The following CUL7 variants were observed in gnomAD, a reference collection of about 807,000 sequenced individuals.
CUL7 encodes cullin-7.
CUL7 carries 96 observed loss-of-function variants against 177.7 expected under a neutral mutation model. The observed-to-expected ratio is 0.54, with a 90% CI of 0.46 to 0.64. The LOEUF (loss-of-function observed/expected upper bound fraction) is 0.64. Among genes scored for constraint, CUL7 ranks in the 30% least tolerant of loss-of-function variants. The pLI, the probability that CUL7 is intolerant of heterozygous loss-of-function variation, is 0.00. For synonymous variants in CUL7, 824 were observed against 890.2 expected (o/e 0.93, Z 1.32); for missense variants, 1,893 against 2,187.9 (o/e 0.87, Z 2.69).
chr6:43,052,910 T>G lies in CUL7; in HGVS notation c.-8-114A>C. ...GCAACAGCTGTCAGGCGGGGTGGGGTAAAGCCAGGCCCAGGAGTTGCATGC... is the reference window on the plus strand; with the variant it reads ...GCAACAGCTGTCAGGCGGGGTGGGGGAAAGCCAGGCCCAGGAGTTGCATGC... On this transcript the variant is annotated intron_variant, in intron 1 of 25. Coordinates refer to ENST00000265348, the MANE Select transcript of CUL7 (RefSeq NM_014780.5). The surrounding 1 kb of genome is among the most constrained non-coding windows in gnomAD (Gnocchi z 4.5). 1 of 1,116,872 alleles carries G rather than the reference T, an allele frequency of 9.0e-7. No homozygotes were observed. The highest frequency in any genetic ancestry group is 1.3e-6 in the Non-Finnish European group (1 of 767,942). 69.2% of individuals were successfully genotyped at this position (1,116,872 alleles called of 1,614,324 possible).
In CUL7 at chr6:43,053,543, G is replaced by A. The variant is rs1266755544; in HGVS notation, c.-9+79C>T. ...CCCGAGGCACGGTAGGATGGGGACC[G>A]AGGTTGGGTGAGCGCGAGGCTCGAT... On this transcript the variant is annotated intron_variant, in intron 1 of 25. Transcript: ENST00000265348. The surrounding 1 kb of genome is among the most constrained non-coding windows in gnomAD (Gnocchi z 4.1). The A allele has an allele frequency of 3.0e-6, 3 of 1,004,858 alleles. No individual in the cohort carries two copies. Among genetic ancestry groups the A allele is most frequent in the African/African-American group, 1.7e-5 (1 of 58,478 alleles). 62.2% of individuals were successfully genotyped at this position (1,004,858 alleles called of 1,614,324 possible).
rs1285293424 is a variant in CUL7 at position 43,049,438 on chromosome 6, A to G, written c.1794T>C (p.Ala598=). 6.2e-7 allele frequency: 1 copy of G among 1,614,174 alleles called. No homozygotes were observed. ...CTTTGGCTGCATCTTCTGAGTCCTT[A>G]GCCTGGGCCTGCGCGTCTAGCAGGA... The part of the protein sequence containing the change: ...DVLLLDAQAQ[A]KDSEDAAKVE... Residue 598 remains alanine (A), a synonymous_variant, in exon 7 of 26, where the codon GCT becomes GCC. Coordinates refer to ENST00000265348, the MANE Select transcript of CUL7 (RefSeq NM_014780.5).
chr6:43,046,449 G>C lies in CUL7; in HGVS notation c.2489-42C>G, dbSNP rs542541358. 3.1e-6 allele frequency: 5 copies of C among 1,614,182 alleles called. No homozygotes were observed. The East Asian group carries it at 1.1e-4, about 36-fold the overall frequency. On this transcript the variant is annotated intron_variant, in intron 11 of 25. Transcript: ENST00000265348. ...AGGGGTGGTGGTCACGGTCAGGTAG[G>C]GTGTAGAGGGGAAACAGACATAGGT...
chr6:43,038,132 C>A, intron 25 of CUL7, 121 bp from the exon 26 acceptor site: 3 of 1,480,446 alleles, frequency 2.0e-6, no homozygotes, highest in Non-Finnish European at 2.8e-6. Flanking sequence ...AGGTACATCC[C>A]GACCTCACTC....
chr6:43,044,509 AAAG>A (rs1380199038), intron 16 of CUL7, among the ~76,000 whole-genome samples: 13 of 151,950 alleles, frequency 8.6e-5, no homozygotes, highest in Admixed American at 2.6e-4. Flanking sequence ...AAAAAAAAAA[AAAG>A]AAGAATGATA....
chr6:43,047,890 GT>G (rs1258794444), intron 9 of CUL7: 21 of 550,196 alleles, frequency 3.8e-5, no homozygotes, highest in Non-Finnish European at 6.5e-5. Context: ...TAAGGGGTGT[GT>G]GGGGGACCCT....
intron 22 of CUL7, 67 bp from the exon 23 acceptor site, chr6:43,039,054 T>A: frequency 9.7e-7 from 1 of 1,035,932 alleles, no homozygotes; most frequent in East Asian, 2.4e-5. Context: ...GGAGGGAGGG[T>A]GCACGCTGGT....
At position 43,037,743 on chromosome 6, in the gene CUL7, C is replaced by T. The variant is rs1163584400; in HGVS notation, c.5042G>A (p.Arg1681Gln). 39 of 1,572,312 alleles carry T rather than the reference C, an allele frequency of 2.5e-5. No homozygotes were observed. Among genetic ancestry groups the T allele is most frequent in the Non-Finnish European group, 3.1e-5 (36 of 1,158,744 alleles). ...LTFHTLQIRSRGVPYASCTAT... is the reference protein window; with the variant it reads ...LTFHTLQIRSQGVPYASCTAT... ...AGTGCAGGAGGCATAGGGCACACCC[C>T]GGGAGCGAATCTGTAGGGTATGGAA... The change falls in exon 26 of 26, where the codon CGG becomes CAG. Residue 1681 changes from arginine (R) to glutamine (Q), a missense_variant. Coordinates refer to ENST00000265348, the MANE Select transcript of CUL7 (RefSeq NM_014780.5).
rs2150310792 is a variant in CUL7 at position 43,040,850 on chromosome 6, A to G, written c.3806+65T>C. ...GCCTCTATCCCAGACTTCCAGGCCCATGAGCTGGCTCTGCCACCATCATCC... is the reference window on the plus strand; with the variant it reads ...GCCTCTATCCCAGACTTCCAGGCCCGTGAGCTGGCTCTGCCACCATCATCC... On this transcript the variant is annotated intron_variant, in intron 20 of 25. Transcript: ENST00000265348. The surrounding 1 kb of genome is among the most constrained non-coding windows in gnomAD (Gnocchi z 4.2). The G allele has an allele frequency of 6.2e-7, 1 of 1,603,156 alleles. No individual in the cohort carries two copies. Among genetic ancestry groups the G allele is most frequent in the Non-Finnish European group, 8.5e-7 (1 of 1,171,784 alleles).
chr6:43,041,204 C>A (rs1360515762), intron 19 of CUL7, 129 bp from the exon 20 acceptor site: 9 of 806,318 alleles, frequency 1.1e-5, no homozygotes, highest in South Asian at 2.9e-5. Context: ...TGCTTTCATA[C>A]AACTATTTTA....
chr6:43,039,532 C>T (rs1329321254), intron 22 of CUL7, among the ~76,000 whole-genome samples: 1 of 151,976 alleles, frequency 6.6e-6, no homozygotes, highest in African/African-American at 2.4e-5. Context: ...AAAGAGATTC[C>T]CAGGTCTTAT....
rs779464552 is a variant in CUL7 at position 43,041,060 on chromosome 6, C to A, written c.3661G>T (p.Ala1221Ser). ...TGGATCTGCTGGTCAATGTGCCGGG[C>A]GAACTGCTCACTCACCTGAGCAATG... ...LKAAHVSEQF[A>S]RHIDQQIQGS... is the part of the protein sequence containing the mutation. The change falls in exon 20 of 26, where the codon GCC (alanine) becomes TCC (serine). Residue 1221 changes from alanine (A) to serine (S), a missense_variant. By Grantham distance (99) the Ala-to-Ser change is moderately conservative. Around this residue, in one of 5 missense-constraint regions of CUL7, gnomAD observed 973 missense variants for 1,140.9 expected, o/e 0.85. Transcript: ENST00000265348. 15 of 1,613,768 alleles carry A rather than the reference C, an allele frequency of 9.3e-6. No homozygotes were observed. The highest frequency in any genetic ancestry group is 1.3e-5 in the African/African-American group (1 of 74,896).
At position 43,043,526 on chromosome 6, in the gene CUL7, C is replaced by T. The variant is rs1763630896; in HGVS notation, c.3277G>A (p.Val1093Met). 1.2e-6 allele frequency: 2 copies of T among 1,613,978 alleles called. No homozygotes were observed. The highest frequency in any genetic ancestry group is 1.3e-5 in the African/African-American group (1 of 74,914). ...QSRGPAFFSR[V>M]RRLTHLLVHV... ...ACCAGCAGGTGAGTGAGACGGCGCA[C>T]CCGCGAGAAGAAAGCTGGGCCGCGG... Residue 1093 changes from valine (V) to methionine (M), a missense_variant, in exon 17 of 26, where the codon GTG becomes ATG. This residue lies in a region of CUL7 where 973 missense variants were observed against 1,140.9 expected (regional missense o/e 0.85). Transcript: ENST00000265348. This position sits in a 1 kb window ranked among gnomAD's most constrained non-coding sequence, Gnocchi z 4.2.
rs1764269879 is a variant in CUL7, at chr6:43,050,115, C to T, written c.1417G>A (p.Val473Met). The T allele has an allele frequency of 1.2e-6, 2 of 1,614,224 alleles. No individual in the cohort carries two copies. Among genetic ancestry groups the T allele is most frequent in the East Asian group, 4.5e-5 (2 of 44,886 alleles). ...RWRPMTELYA[V>M]PYVLPEDEDT... Reference sequence around the variant, plus strand: ...TCATCCTCAGGCAGCACATAAGGCACAGCATAGAGTTCTGTCATGGGCCTC... The same window carrying T: ...TCATCCTCAGGCAGCACATAAGGCATAGCATAGAGTTCTGTCATGGGCCTC... Residue 473 changes from valine to methionine, a missense_variant, in exon 6 of 26, where the codon GTG (valine) becomes ATG (methionine). This residue lies in a region of CUL7 where 653 missense variants were observed against 725.2 expected (regional missense o/e 0.90). Coordinates refer to ENST00000265348, the MANE Select transcript of CUL7 (RefSeq NM_014780.5). The surrounding 1 kb of genome is among the most constrained non-coding windows in gnomAD (Gnocchi z 4.1).
Position 43,052,512 on chromosome 6 carries a change from G to T in CUL7, c.277C>A (p.Gln93Lys), listed in dbSNP as rs779339036. Residue 93 changes from glutamine to lysine, a missense_variant, in exon 2 of 26, where the codon CAG becomes AAG. Gln to Lys is a moderately conservative substitution (Grantham distance 53). Coordinates refer to ENST00000265348, the MANE Select transcript of CUL7 (RefSeq NM_014780.5). This position sits in a 1 kb window ranked among gnomAD's most constrained non-coding sequence, Gnocchi z 4.5. ...GCCCCAACCTCCCCTGCAGACTCCT[G>T]GGAGGGCCCGATGACCTGGCCATCC... ...GEDGQVIGPS[Q>K]ESAGEVGALD... The T allele has an allele frequency of 6.8e-6, 11 of 1,614,084 alleles. No homozygotes were observed. Among genetic ancestry groups the T allele is most frequent in the African/African-American group, 1.3e-5 (1 of 74,940 alleles).
rs751287351 is a variant in CUL7 at position 43,037,892 on chromosome 6, C to A, written c.4893G>T (p.Lys1631Asn). The A allele has an allele frequency of 6.2e-7, 1 of 1,613,578 alleles. No individual in the cohort carries two copies. Among genetic ancestry groups the A allele is most frequent in the African/African-American group, 1.3e-5 (1 of 75,002 alleles). Reference sequence around the variant, plus strand: ...GGTCGTCATGGCGTCTCAGCGTGCCCTTGCCCAGGAGGTGTAGGATGCAGG... The same window carrying A: ...GGTCGTCATGGCGTCTCAGCGTGCCATTGCCCAGGAGGTGTAGGATGCAGG... ...VLSCILHLLG[K>N]GTLRRHDDRP... The change falls in exon 26 of 26, where the codon AAG becomes AAT. Residue 1631 changes from lysine (K) to asparagine (N), a missense_variant. Physicochemically the swap from Lys to Asn is moderately conservative, Grantham distance 94 (BLOSUM62 0). Coordinates refer to ENST00000265348, the MANE Select transcript of CUL7 (RefSeq NM_014780.5).
In CUL7 at chr6:43,040,020, G is replaced by T; in HGVS notation, c.4294+136C>A. 9.3e-7 allele frequency: 1 copy of T among 1,080,570 alleles called. No homozygotes were observed. Among genetic ancestry groups the T allele is most frequent in the Non-Finnish European group, 1.4e-6 (1 of 704,452 alleles). The allele number at this position is 1,080,570 out of a possible 1,614,324, so 66.9% of individuals were successfully genotyped here. A position where few individuals can be genotyped will look rare whatever the true frequency, so the allele number is the denominator to read the frequency against. On this transcript the variant is annotated intron_variant, in intron 22 of 25. Coordinates refer to ENST00000265348, the MANE Select transcript of CUL7 (RefSeq NM_014780.5). This position sits in a 1 kb window ranked among gnomAD's most constrained non-coding sequence, Gnocchi z 4.2. ...CTCCCAAAGTGCTGGGATTACAGGC[G>T]TGAGCACTGTGCCCAGCCAAAGACT...
intron 9 of CUL7, 108 bp downstream of exon 9, chr6:43,048,040 G>A (rs116691515): frequency 4.5e-4 from 308 of 691,288 alleles, no homozygotes; most frequent in Admixed American, 1.4e-3. Context: ...CAAACCAAGA[G>A]CTCAAAGGCT....
In CUL7 at chr6:43,044,497, CAAA is replaced by C. The variant is rs35607536; in HGVS notation, c.3172+252_3172+254del. Among the ~76,000 whole-genome samples the C allele has an allele frequency of 5.2e-5, 7 of 133,456 alleles. No homozygotes were observed. In the East Asian group the frequency reaches 8.7e-4, roughly 17 times the overall value. The allele number at this position is 133,456 out of a possible 152,430, so 87.6% of individuals were successfully genotyped here. On this transcript the variant is annotated intron_variant, in intron 16 of 25. Transcript: ENST00000265348. ...GTGGGTAACGAGCGAAAATCTGTCT[CAAA>C]AAAAAAAAAAAGAAGAATGATAAAG...
Sources: gnomAD v4.1 joint callset for allele counts (sites outside exome capture counted in the v4.1 genomes callset) on GRCh38, gnomAD v4.1.1 for gene constraint, gnomAD v4.1.1 regional missense constraint, Gnocchi (gnomAD v3.1) non-coding constraint, MANE v1.5 for transcripts, NCBI Gene and HGNC (gene_info 2026-07-23, HGNC 2026-07-21) for gene names.